ROBO1: variants seen among roughly 807,000 people sequenced by gnomAD.
ROBO1 encodes roundabout homolog 1.
ROBO1 carries 149 observed loss-of-function variants against 195.9 expected under a neutral mutation model. The ratio of observed to expected loss-of-function variants is 0.76; its 90% confidence interval spans 0.67 to 0.87. ROBO1 has a LOEUF of 0.87. Ranked by LOEUF, ROBO1 falls within the 40% of genes least tolerant of loss-of-function variation. The probability of loss-of-function intolerance (pLI) is 0.00; values close to 1 mark genes in which losing one functional copy is unlikely to be tolerated. For missense variants in ROBO1, 1,933 were observed against 2,068.3 expected (o/e 0.93, Z 1.27); for synonymous variants, 816 against 733.2 (o/e 1.11, Z -1.82).
chr3:78,848,576 G>A (rs974089261), intron 4 of ROBO1, among the ~76,000 whole-genome samples: 1 of 152,146 alleles, frequency 6.6e-6, no homozygotes, highest in Non-Finnish European at 1.5e-5. Context: ...GAGGGGCCAA[G>A]TGGGCATCTG....
chr3:79,543,801 A>T (rs1419019205), intron 2 of ROBO1, among the ~76,000 whole-genome samples: 1 of 152,090 alleles, frequency 6.6e-6, no homozygotes, highest in Non-Finnish European at 1.5e-5. Flanking sequence ...GCCCCATGAG[A>T]TTTTCTAAAT....
At position 79,662,822 on chromosome 3, in the gene ROBO1, C is replaced by T. The variant is rs117499389; in HGVS notation, c.-50-72861G>A. Among the ~76,000 whole-genome samples the T allele has an allele frequency of 4.3e-4, 66 of 152,052 alleles. No homozygotes were observed. In the East Asian group the frequency reaches 0.012, roughly 27 times the overall value. On this transcript the variant is annotated intron_variant, in intron 1 of 30. Coordinates refer to ENST00000464233, the MANE Select transcript of ROBO1 (RefSeq NM_002941.4). The stretch of plus-strand genomic sequence containing the variant: ...AAATGCCATGCTGCTGTGGAAGAAA[C>T]GAGTCTTTATAAGACTGTCACTTAG...
intron 2 of ROBO1, among the ~76,000 whole-genome samples, chr3:79,420,935 C>T (rs933577449): frequency 1.2e-4 from 18 of 152,028 alleles, no homozygotes; most frequent in African/African-American, 4.3e-4. Flanking sequence ...TTATATTAAT[C>T]ACAGCACTAT....
chr3:79,092,955 T>C (rs1488914928), intron 3 of ROBO1, among the ~76,000 whole-genome samples: 1 of 152,210 alleles, frequency 6.6e-6, no homozygotes, highest in Non-Finnish European at 1.5e-5. Context: ...ATTTCAAATT[T>C]AAGATGTTAA....
intron 2 of ROBO1, among the ~76,000 whole-genome samples, chr3:79,509,687 G>A (rs942031737): frequency 3.9e-5 from 6 of 152,060 alleles, no homozygotes; most frequent in Non-Finnish European, 7.4e-5. Flanking sequence ...CTGGATGTGT[G>A]ACAAGCACTC....
intron 30 of ROBO1, among the ~76,000 whole-genome samples, chr3:78,599,285 G>A (rs1029534517): frequency 6.6e-6 from 1 of 152,102 alleles, no homozygotes; most frequent in Non-Finnish European, 1.5e-5. Flanking sequence ...AGGCCATTCT[G>A]TTCCCCCAAA....
At chr3:79,200,281 T>C (rs1037381629) in intron 2 of ROBO1, among the ~76,000 whole-genome samples, 1 of 151,864 alleles carries the variant, frequency 6.6e-6, no homozygotes, top group African/African-American at 2.4e-5. Context: ...TAATTCTGAA[T>C]TTAAGGACCA....
chr3:79,423,795 A>G (rs1267564251), intron 2 of ROBO1, among the ~76,000 whole-genome samples: 2 of 152,162 alleles, frequency 1.3e-5, no homozygotes, highest in African/African-American at 2.4e-5. Flanking sequence ...ATTCACAGGT[A>G]TATGTACAAG....
intron 2 of ROBO1, among the ~76,000 whole-genome samples, chr3:79,433,008 T>C (rs2038739971): frequency 1.3e-5 from 2 of 152,312 alleles, no homozygotes; most frequent in South Asian, 2.1e-4. Context: ...TTAGAAAACA[T>C]TTTTTAAATG....
intron 2 of ROBO1, among the ~76,000 whole-genome samples, chr3:79,310,272 C>T (rs923136359): frequency 1.3e-5 from 2 of 152,170 alleles, no homozygotes; most frequent in Non-Finnish European, 2.9e-5. Flanking sequence ...AAAAGCTGCT[C>T]ATCTGGTTGG....
intron 4 of ROBO1, among the ~76,000 whole-genome samples, chr3:78,791,633 G>A (rs372631986): frequency 8.6e-4 from 131 of 152,186 alleles, no homozygotes; most frequent in Non-Finnish European, 1.6e-3. Flanking sequence ...CTAAAAATTC[G>A]TATCTGCGTC....
chr3:79,151,516 C>A (rs904330826), intron 2 of ROBO1, among the ~76,000 whole-genome samples: 2 of 145,714 alleles, frequency 1.4e-5, no homozygotes, highest in African/African-American at 2.6e-5. Context: ...CTCTAACCAG[C>A]CTCTATGCTC....
At chr3:79,737,178 T>G (rs1379180198) in intron 1 of ROBO1, among the ~76,000 whole-genome samples, 1 of 152,126 alleles carries the variant, frequency 6.6e-6, no homozygotes, top group African/African-American at 2.4e-5. Flanking sequence ...GAGTGCAATA[T>G]GAGGCACTTA....
chr3:78,861,618 G>A (rs2034845272), intron 4 of ROBO1, among the ~76,000 whole-genome samples: 1 of 152,110 alleles, frequency 6.6e-6, no homozygotes, highest in South Asian at 2.1e-4. Context: ...CTCATGTTAT[G>A]TTGTTCATAA....
chr3:78,720,953 G>C lies in ROBO1; in HGVS notation c.658-3070C>G, dbSNP rs188217728. ...ACACTGGGACCTGTTGTGGGGTTGG[G>C]GGGGGGGCGGTGGAGGCATAGCATT... On this transcript the variant is annotated intron_variant, in intron 5 of 30. Coordinates refer to ENST00000464233, the MANE Select transcript of ROBO1 (RefSeq NM_002941.4). 5.5e-4 allele frequency among the ~76,000 whole-genome samples: 83 copies of C among 150,738 alleles called. 5 individuals are homozygous for C. The highest frequency in any genetic ancestry group is 1.7e-3 in the African/African-American group (69 of 40,388).
chr3:79,215,660 CA>C (rs1476291041), intron 2 of ROBO1, among the ~76,000 whole-genome samples: 1 of 152,192 alleles, frequency 6.6e-6, no homozygotes, highest in Non-Finnish European at 1.5e-5. Flanking sequence ...CATCTATTTG[CA>C]TACATAGAAA....
chr3:79,024,288 C>T (rs757014660), intron 3 of ROBO1, among the ~76,000 whole-genome samples: 1 of 152,070 alleles, frequency 6.6e-6, no homozygotes, highest in Non-Finnish European at 1.5e-5. Context: ...AACAATGGGT[C>T]GGGCTAGAAT....
At chr3:78,714,295 A>T in intron 8 of ROBO1, 102 bp downstream of exon 8, 1 of 1,157,682 alleles carries the variant, frequency 8.6e-7, no homozygotes, top group South Asian at 2.2e-5. Flanking sequence ...CAATACTTAA[A>T]GTCTATATGT....
At chr3:79,570,585 A>G (rs1943246675) in intron 2 of ROBO1, among the ~76,000 whole-genome samples, 1 of 152,194 alleles carries the variant, frequency 6.6e-6, no homozygotes, top group East Asian at 1.9e-4. Context: ...TATAAAAATT[A>G]TTATAAATTG....
Sources: allele counts gnomAD v4.1 joint callset (sites outside exome capture counted in the v4.1 genomes callset), GRCh38; gene constraint gnomAD v4.1.1; transcripts MANE v1.5; gene names NCBI Gene and HGNC (gene_info 2026-07-23, HGNC 2026-07-21).